Variants in UBAP2 observed in about 807,000 individuals in gnomAD.
The protein encoded by UBAP2 is ubiquitin associated protein 2.
Under a neutral mutation model 139.6 loss-of-function variants are expected in UBAP2, and 75 were observed. The ratio of observed to expected loss-of-function variants is 0.54; its 90% CI spans 0.45 to 0.65. The LOEUF (loss-of-function observed/expected upper bound fraction) is 0.65, where lower values mean the gene tolerates loss of function less well. Ranked by LOEUF, UBAP2 falls within the 30% of genes least tolerant of loss-of-function variation. UBAP2 has a pLI of 0.00. For synonymous variants in UBAP2, 526 were observed against 526.2 expected (o/e 1.00, Z 0.01); for missense variants, 1,368 against 1,369.6 (o/e 1.00, Z 0.02).
At chr9:33,980,718 G>A (rs1320099050) in intron 6 of UBAP2, among the ~76,000 whole-genome samples, 1 of 152,012 alleles carries the variant, frequency 6.6e-6, no homozygotes, top group Middle Eastern at 3.2e-3. Flanking sequence ...CACTTTGGGA[G>A]TTTGAGGTGG....
intron 1 of UBAP2, among the ~76,000 whole-genome samples, chr9:34,048,370 A>G (rs1408207604): frequency 1.3e-5 from 2 of 152,182 alleles, no homozygotes; most frequent in Non-Finnish European, 2.9e-5. Flanking sequence ...AAGGTTAGAG[A>G]GCGCATAAGT....
At chr9:33,951,330 T>A (rs976044617) in intron 12 of UBAP2, among the ~76,000 whole-genome samples, 5 of 107,070 alleles carry the variant, frequency 4.7e-5, no homozygotes, top group African/African-American at 1.7e-4. Flanking sequence ...GCCTCCCCAA[T>A]GATTTTTTTT....
intron 3 of UBAP2, 87 bp downstream of exon 3, chr9:33,998,700 T>A: frequency 7.5e-7 from 1 of 1,325,298 alleles, no homozygotes; most frequent in Non-Finnish European, 1.0e-6. Context: ...AGTAATACTT[T>A]AAAACAAAAA....
intron 3 of UBAP2, chr9:33,996,768 G>A (rs2131182994): frequency 6.2e-6 from 1 of 160,952 alleles, no homozygotes; most frequent in East Asian, 1.8e-4. Flanking sequence ...TATTCCATAT[G>A]CTGGCTTTCA....
intron 6 of UBAP2, among the ~76,000 whole-genome samples, chr9:33,983,611 G>C (rs1221649842): frequency 6.6e-6 from 1 of 152,076 alleles, no homozygotes; most frequent in African/African-American, 2.4e-5. Context: ...GTAAAATTTA[G>C]GGGTCAATAA....
intron 24 of UBAP2, 83 bp downstream of exon 24, chr9:33,923,712 C>A (rs1823148217): frequency 3.5e-6 from 5 of 1,426,156 alleles, no homozygotes; most frequent in Non-Finnish European, 4.9e-6. Context: ...AACCCTCCCT[C>A]CCTGCTGGAA....
intron 5 of UBAP2, among the ~76,000 whole-genome samples, chr9:33,988,415 A>AAAC (rs1395672409): frequency 2.0e-5 from 3 of 152,214 alleles, no homozygotes; most frequent in African/African-American, 7.2e-5. Flanking sequence ...TGTTTTGCAT[A>AAAC]AACAGTGACA....
chr9:33,951,161 A>C (rs79670370), intron 12 of UBAP2, among the ~76,000 whole-genome samples: 17,841 of 151,854 alleles, frequency 0.12, 1,526 homozygotes, highest in East Asian at 0.46. Flanking sequence ...AGCTATGATT[A>C]CAGGGCATGT....
intron 1 of UBAP2, among the ~76,000 whole-genome samples, chr9:34,025,065 C>G (rs1374535142): frequency 2.0e-5 from 3 of 151,988 alleles, no homozygotes; most frequent in East Asian, 1.9e-4. Flanking sequence ...TCTTCAAGAC[C>G]CTTAAAAATT....
intron 17 of UBAP2, 67 bp downstream of exon 17, chr9:33,935,772 T>A: frequency 1.3e-6 from 2 of 1,578,664 alleles, no homozygotes; most frequent in Non-Finnish European, 1.7e-6. Flanking sequence ...CCACATCACG[T>A]GAGCTATCCT....
rs775466476 is a variant in UBAP2, at chr9:33,968,038, C to T, written c.679+3613G>A. ...TAAAACTTCATTGACAGGAACAAAT[C>T]CAGTATCCATTGATTTCTTCTCAAA... On this transcript the variant is annotated intron_variant, in intron 8 of 28. Transcript: ENST00000379238. 4 of 414,810 alleles carry T rather than the reference C, an allele frequency of 9.6e-6. No individual in the cohort carries two copies. The Admixed American group carries it at 1.2e-4, about 12-fold the overall frequency. 25.7% of individuals were successfully genotyped at this position (414,810 alleles called of 1,614,324 possible). A position where few individuals can be genotyped will look rare whatever the true frequency, so the allele number is the denominator to read the frequency against.
At chr9:34,047,816 A>C (rs558644559) in intron 1 of UBAP2, among the ~76,000 whole-genome samples, 14 of 152,216 alleles carry the variant, frequency 9.2e-5, no homozygotes, top group Non-Finnish European at 1.8e-4. Context: ...CATATCTCTA[A>C]AATTAATAGT....
At chr9:34,031,624 G>C (rs781133662) in intron 1 of UBAP2, among the ~76,000 whole-genome samples, 2 of 151,768 alleles carry the variant, frequency 1.3e-5, no homozygotes, top group Non-Finnish European at 2.9e-5. Flanking sequence ...GCTTTCCTAA[G>C]TAAATTCAAG....
chr9:33,922,348 C>T lies in UBAP2; in HGVS notation c.*156G>A, dbSNP rs770592116. On this transcript the variant is annotated 3_prime_UTR_variant, in exon 29 of 29. Transcript: ENST00000379238. Reference sequence around the variant, plus strand: ...TACAAATACATACATAAATACATTACATACAGTAGCCAGTCTGGGAGGCAG... The same window carrying T: ...TACAAATACATACATAAATACATTATATACAGTAGCCAGTCTGGGAGGCAG... 13 of 716,930 alleles carry T rather than the reference C, an allele frequency of 1.8e-5. No individual in the cohort carries two copies. The highest frequency in any genetic ancestry group is 2.9e-5 in the Non-Finnish European group (12 of 412,816). 44.4% of individuals were successfully genotyped at this position (716,930 alleles called of 1,614,324 possible). A position where few individuals can be genotyped will look rare whatever the true frequency, so the allele number is the denominator to read the frequency against.
At chr9:33,928,654 G>T (rs542541157) in intron 19 of UBAP2, 1 of 152,450 alleles carries the variant, frequency 6.6e-6, no homozygotes, top group Non-Finnish European at 1.5e-5. Flanking sequence ...CATCAGCCCC[G>T]AGTCCCAGAA....
chr9:34,023,041 A>G (rs1825097425), intron 1 of UBAP2, among the ~76,000 whole-genome samples: 2 of 152,038 alleles, frequency 1.3e-5, no homozygotes, highest in African/African-American at 4.8e-5. Context: ...CCTGGCTAAT[A>G]CAGTGAAACC....
At chr9:34,000,461 C>T (rs1009647388) in intron 2 of UBAP2, among the ~76,000 whole-genome samples, 6 of 151,976 alleles carry the variant, frequency 3.9e-5, no homozygotes, top group African/African-American at 7.3e-5. Flanking sequence ...ACGAAGGTAC[C>T]GTAATTATTA....
chr9:33,992,389 CAAAAAAAA>C (rs33969994), intron 4 of UBAP2, among the ~76,000 whole-genome samples: 1 of 80,026 alleles, frequency 1.2e-5, no homozygotes, highest in South Asian at 4.8e-4. Flanking sequence ...AACTCCATCT[CAAAAAAAA>C]AAAAAAAAAA....
chr9:33,942,711 G>A (rs557231407), intron 15 of UBAP2, among the ~76,000 whole-genome samples: 1 of 145,854 alleles, frequency 6.9e-6, no homozygotes, highest in Non-Finnish European at 1.5e-5. Context: ...CTGGACAACA[G>A]AGCAAGACCC....
Sources: gnomAD v4.1 joint callset for allele counts (sites outside exome capture counted in the v4.1 genomes callset) on GRCh38, gnomAD v4.1.1 for gene constraint, MANE v1.5 for transcripts, NCBI Gene and HGNC (gene_info 2026-07-23, HGNC 2026-07-21) for gene names.